KCNQ5: variants seen among roughly 807,000 people sequenced by gnomAD.
The protein encoded by KCNQ5 is potassium voltage-gated channel subfamily KQT member 5.
Under a neutral mutation model 98.2 loss-of-function variants are expected in KCNQ5, and 30 were observed. That is an observed-to-expected ratio of 0.31 (90% CI 0.23 to 0.41). The LOEUF is 0.41. Among genes scored for constraint, KCNQ5 ranks in the 10% least tolerant of loss-of-function variants. KCNQ5 has a pLI of 1.00. For missense variants in KCNQ5, 835 were observed against 1,182.5 expected (o/e 0.71, Z 4.31); for synonymous variants, 458 against 449.4 (o/e 1.02, Z -0.24).
intron 1 of KCNQ5, among the ~76,000 whole-genome samples, chr6:72,963,803 C>G (rs1767484013): frequency 6.6e-6 from 1 of 152,098 alleles, no homozygotes; most frequent in Non-Finnish European, 1.5e-5. Flanking sequence ...GCTGGGACCA[C>G]AGGCGCACAC....
chr6:73,147,726 T>TA (rs1261383997), intron 10 of KCNQ5, among the ~76,000 whole-genome samples: 3 of 152,228 alleles, frequency 2.0e-5, no homozygotes, highest in African/African-American at 7.2e-5. Flanking sequence ...TGGTTTACTA[T>TA]TTAATTATTC....
intron 1 of KCNQ5, among the ~76,000 whole-genome samples, chr6:72,785,911 C>G (rs1036085737): frequency 6.6e-6 from 1 of 152,046 alleles, no homozygotes; most frequent in African/African-American, 2.4e-5. Context: ...CTGCCATAAA[C>G]CCTGGGTTTA....
At chr6:73,122,350 G>T (rs1775780955) in intron 8 of KCNQ5, among the ~76,000 whole-genome samples, 1 of 152,108 alleles carries the variant, frequency 6.6e-6, no homozygotes, top group Non-Finnish European at 1.5e-5. Context: ...TAAAAGCCTG[G>T]AAAAACTGTT....
intron 1 of KCNQ5, among the ~76,000 whole-genome samples, chr6:72,921,410 A>G (rs1313160373): frequency 1.3e-5 from 2 of 152,224 alleles, no homozygotes; most frequent in Non-Finnish European, 2.9e-5. Flanking sequence ...TGAGTAGAAG[A>G]TGAGCAAGAA....
chr6:72,911,363 T>C (rs531108339), intron 1 of KCNQ5, among the ~76,000 whole-genome samples: 1 of 152,168 alleles, frequency 6.6e-6, no homozygotes, highest in Non-Finnish European at 1.5e-5. Context: ...CTTTCCGCCA[T>C]GTGAGGTTAC....
chr6:73,197,800 T>G lies in KCNQ5; in HGVS notation c.*2386T>G, dbSNP rs1765852895. 1 of 152,298 alleles carries G rather than the reference T, an allele frequency of 6.6e-6. No homozygotes were observed. The highest frequency in any genetic ancestry group is 2.4e-5 in the African/African-American group (1 of 41,466). 9.4% of individuals were successfully genotyped at this position (152,298 alleles called of 1,614,324 possible). A position where few individuals can be genotyped will look rare whatever the true frequency, so the allele number is the denominator to read the frequency against. ...CCCCACTGGCAGCAGGAATTCTGAA[T>G]GTATTGGGGACCCCTCCTTAGGCCT... On this transcript the variant is annotated 3_prime_UTR_variant, in exon 14 of 14. Transcript: ENST00000370398.
intron 1 of KCNQ5, among the ~76,000 whole-genome samples, chr6:72,965,974 AG>A (rs1352424456): frequency 6.6e-6 from 1 of 152,106 alleles, no homozygotes; most frequent in Non-Finnish European, 1.5e-5. Context: ...AGTCCCAGGG[AG>A]GTTAAAGTGC....
chr6:73,072,893 A>G (rs1773358407), intron 3 of KCNQ5, among the ~76,000 whole-genome samples: 3 of 151,420 alleles, frequency 2.0e-5, no homozygotes, highest in Non-Finnish European at 4.4e-5. Context: ...TCTGGATTAC[A>G]TGCTTTTTTT....
At chr6:72,763,377 A>G (rs1470091030) in intron 1 of KCNQ5, among the ~76,000 whole-genome samples, 1 of 151,940 alleles carries the variant, frequency 6.6e-6, no homozygotes, top group African/African-American at 2.4e-5. Context: ...AGGTTCAAGA[A>G]CCTATTTTTC....
intron 1 of KCNQ5, among the ~76,000 whole-genome samples, chr6:72,849,605 G>A (rs1357434790): frequency 6.6e-6 from 1 of 152,138 alleles, no homozygotes; most frequent in African/African-American, 2.4e-5. Flanking sequence ...AGAACTACAT[G>A]CCCATCAGAC....
Position 72,663,815 on chromosome 6 carries a change from A to G in KCNQ5, c.398+41228A>G, listed in dbSNP as rs78189100. Among the ~76,000 whole-genome samples the G allele has an allele frequency of 2.6e-5, 4 of 152,244 alleles. No homozygotes were observed. The East Asian group carries it at 7.7e-4, about 29-fold the overall frequency. The stretch of plus-strand genomic sequence containing the variant: ...ACAAAATATATTCTTTAAAAAAAAA[A>G]GTACTTCTAGTGTTCTCAACCATTC... On this transcript the variant is annotated intron_variant, in intron 1 of 13. Coordinates refer to ENST00000370398, the MANE Select transcript of KCNQ5 (RefSeq NM_019842.4).
intron 1 of KCNQ5, among the ~76,000 whole-genome samples, chr6:72,740,656 G>C (rs1279982547): frequency 1.3e-5 from 2 of 152,082 alleles, no homozygotes; most frequent in Admixed American, 1.3e-4. Context: ...ATTCTGACAA[G>C]GGTATCATAG....
At chr6:72,927,497 T>G (rs1169859170) in intron 1 of KCNQ5, among the ~76,000 whole-genome samples, 2 of 152,110 alleles carry the variant, frequency 1.3e-5, no homozygotes, top group African/African-American at 2.4e-5. Flanking sequence ...TAGCCTAATC[T>G]AGGTGACAAT....
At chr6:73,130,398 G>A (rs1382379749) in intron 9 of KCNQ5, among the ~76,000 whole-genome samples, 1 of 152,136 alleles carries the variant, frequency 6.6e-6, no homozygotes, top group Non-Finnish European at 1.5e-5. Flanking sequence ...GACAGTGCAG[G>A]CTCTGCTGAG....
At chr6:72,690,102 G>A (rs144548634) in intron 1 of KCNQ5, among the ~76,000 whole-genome samples, 1,933 of 151,932 alleles carry the variant, frequency 0.013, 44 homozygotes, top group African/African-American at 0.045. Flanking sequence ...GTGAAACCCC[G>A]TCTCTACTAA....
intron 3 of KCNQ5, among the ~76,000 whole-genome samples, chr6:73,054,512 G>A (rs912444147): frequency 2.0e-5 from 3 of 152,178 alleles, no homozygotes; most frequent in South Asian, 2.1e-4. Context: ...AGGAGGCTTC[G>A]TCCCTGGGAC....
At chr6:72,994,614 C>CGTCTTCT (rs1337708723) in intron 1 of KCNQ5, among the ~76,000 whole-genome samples, 1 of 151,400 alleles carries the variant, frequency 6.6e-6, no homozygotes, top group Non-Finnish European at 1.5e-5. Context: ...AGAAATCACC[C>CGTCTTCT]GTCTTCTGCG....
intron 1 of KCNQ5, among the ~76,000 whole-genome samples, chr6:72,957,161 T>C (rs1261634359): frequency 7.1e-6 from 1 of 140,966 alleles, no homozygotes; most frequent in Non-Finnish European, 1.5e-5. Context: ...GCTGTACATA[T>C]GTAGGAAGCT....
intron 1 of KCNQ5, among the ~76,000 whole-genome samples, chr6:72,746,275 C>G (rs139069637): frequency 7.8e-4 from 118 of 152,204 alleles, no homozygotes; most frequent in Admixed American, 1.6e-3. Context: ...CTAATTTCAT[C>G]AAGATTATTC....
Sources: allele counts gnomAD v4.1 joint callset (sites outside exome capture counted in the v4.1 genomes callset), GRCh38; gene constraint gnomAD v4.1.1; transcripts MANE v1.5; gene names NCBI Gene and HGNC (gene_info 2026-07-23, HGNC 2026-07-21).